Variants in GTF2B observed in about 807,000 individuals in gnomAD.
GTF2B encodes transcription initiation factor IIB.
In GTF2B, 20 loss-of-function variants were observed where a neutral mutation model predicts 34.6. That is an observed-to-expected ratio of 0.58 (90% CI 0.41 to 0.84). GTF2B has a LOEUF of 0.84. GTF2B is among the 40% of genes least tolerant of loss of function. The pLI is 0.00. For synonymous variants in GTF2B, 142 were observed against 132.4 expected (o/e 1.07, Z -0.50); for missense variants, 237 against 393.3 (o/e 0.60, Z 3.36).
At chr1:88,888,487 A>G (rs1247254624) in intron 1 of GTF2B, among the ~76,000 whole-genome samples, 2 of 152,328 alleles carry the variant, frequency 1.3e-5, no homozygotes, top group Admixed American at 1.3e-4. Context: ...ATTTTAATAA[A>G]TTATGACAAA....
chr1:88,887,223 G>A, intron 2 of GTF2B, 38 bp downstream of exon 2: 1 of 1,344,876 alleles, frequency 7.4e-7, no homozygotes, highest in Non-Finnish European at 1.1e-6. Flanking sequence ...TTGGCCTCCT[G>A]AACAGTAATT....
At chr1:88,865,442 C>T (rs1673527016) in intron 2 of GTF2B, among the ~76,000 whole-genome samples, 1 of 152,170 alleles carries the variant, frequency 6.6e-6, no homozygotes. Context: ...TAATCTCCAG[C>T]CGGGTGTGGT....
rs377030804 is a variant in GTF2B at position 88,856,272 on chromosome 1, C to CAAAAAAAAAAAAA, written c.817+921_817+933dup. On this transcript the variant is annotated intron_variant, in intron 6 of 6. Coordinates refer to ENST00000370500, the MANE Select transcript of GTF2B (RefSeq NM_001514.6). Reference sequence around the variant, plus strand: ...CAACAGAGGGAGACTGTTTCAAAAACAAAAAAAAAAAAAAAAAACAAAAAA... The same window carrying CAAAAAAAAAAAAA: ...CAACAGAGGGAGACTGTTTCAAAAACAAAAAAAAAAAAAAAAAAAAAAAAAAAAAAACAAAAAA... Among the ~76,000 whole-genome samples, 15 of 50,022 alleles carry CAAAAAAAAAAAAA rather than the reference C, an allele frequency of 3.0e-4. 1 individual carries two copies. The highest frequency in any genetic ancestry group is 3.7e-4 in the Non-Finnish European group (11 of 29,816). The allele number at this position is 50,022 out of a possible 152,430, so 32.8% of individuals were successfully genotyped here.
intron 2 of GTF2B, among the ~76,000 whole-genome samples, chr1:88,869,257 A>C (rs1673632649): frequency 6.6e-6 from 1 of 152,212 alleles, no homozygotes; most frequent in Non-Finnish European, 1.5e-5. Context: ...ATACTACGTC[A>C]TATTGTATCA....
At chr1:88,858,818 G>A (rs573853976) in intron 5 of GTF2B, 1 of 151,498 alleles carries the variant, frequency 6.6e-6, no homozygotes, top group South Asian at 2.1e-4. Context: ...CTTAACTGAA[G>A]TGTAAAAGTG....
chr1:88,855,946 TAGAA>T (rs1257853093), intron 6 of GTF2B, among the ~76,000 whole-genome samples: 1 of 152,194 alleles, frequency 6.6e-6, no homozygotes, highest in African/African-American at 2.4e-5. Context: ...CTCAAAGACT[TAGAA>T]AGGAGTAGTC....
intron 2 of GTF2B, among the ~76,000 whole-genome samples, chr1:88,868,266 T>C (rs1473393725): frequency 1.3e-5 from 2 of 152,238 alleles, no homozygotes; most frequent in Non-Finnish European, 2.9e-5. Flanking sequence ...AATTAGCAAA[T>C]ACACAAAACT....
At chr1:88,861,619 G>T (rs1000348205) in intron 3 of GTF2B, among the ~76,000 whole-genome samples, 3 of 152,142 alleles carry the variant, frequency 2.0e-5, no homozygotes, top group Non-Finnish European at 4.4e-5. Context: ...AGCAGAGATC[G>T]TGCCATTGCA....
chr1:88,865,145 A>G (rs1057085910), intron 2 of GTF2B, among the ~76,000 whole-genome samples: 1 of 152,224 alleles, frequency 6.6e-6, no homozygotes, highest in Non-Finnish European at 1.5e-5. Flanking sequence ...AATTAATATA[A>G]TAGTCAGGGG....
chr1:88,854,895 C>A (rs1673268827), intron 6 of GTF2B, among the ~76,000 whole-genome samples: 1 of 152,210 alleles, frequency 6.6e-6, no homozygotes, highest in Non-Finnish European at 1.5e-5. Context: ...CATCATTGTA[C>A]AATTAGCTAA....
At chr1:88,881,139 G>A in intron 2 of GTF2B, among the ~76,000 whole-genome samples, 1 of 136,102 alleles carries the variant, frequency 7.3e-6, no homozygotes, top group African/African-American at 2.8e-5. Context: ...AGCTCCAAAA[G>A]CCAGAATAAA....
chr1:88,858,620 G>C (rs1287378591), intron 5 of GTF2B: 1 of 152,072 alleles, frequency 6.6e-6, no homozygotes, highest in Non-Finnish European at 1.5e-5. Context: ...CAAAAAAGAT[G>C]ATGATAAAGG....
intron 2 of GTF2B, among the ~76,000 whole-genome samples, chr1:88,881,109 A>G (rs116187511): frequency 0.011 from 1,592 of 151,334 alleles, 25 homozygotes; most frequent in African/African-American, 0.037. Context: ...ACCACATACT[A>G]GAATATGAGT....
intron 1 of GTF2B, among the ~76,000 whole-genome samples, chr1:88,890,630 A>G (rs995506648): frequency 3.3e-5 from 5 of 152,228 alleles, no homozygotes; most frequent in Non-Finnish European, 4.4e-5. Context: ...TGGAAAAGTC[A>G]ACATTGGCAT....
chr1:88,885,882 T>C (rs949027634), intron 2 of GTF2B, among the ~76,000 whole-genome samples: 5 of 152,166 alleles, frequency 3.3e-5, no homozygotes, highest in Admixed American at 2.0e-4. Context: ...CATATATAGG[T>C]TGTACTTTGA....
chr1:88,870,883 T>C (rs1037097871), intron 2 of GTF2B, among the ~76,000 whole-genome samples: 1 of 151,622 alleles, frequency 6.6e-6, no homozygotes, highest in Non-Finnish European at 1.5e-5. Flanking sequence ...GACCACTGTG[T>C]TTCTTACACA....
intron 2 of GTF2B, among the ~76,000 whole-genome samples, chr1:88,882,676 ATGTTG>A (rs1673977160): frequency 6.6e-6 from 1 of 152,238 alleles, no homozygotes; most frequent in East Asian, 1.9e-4. Flanking sequence ...TGTGTCAATG[ATGTTG>A]TGTTAACAAG....
intron 2 of GTF2B, among the ~76,000 whole-genome samples, chr1:88,874,633 G>A (rs112135508): frequency 0.019 from 2,827 of 150,486 alleles, 82 homozygotes; most frequent in African/African-American, 0.065. Flanking sequence ...CAAGCCCCTG[G>A]CTCCTCAGAA....
At position 88,891,538 on chromosome 1, in the gene GTF2B, G is replaced by A. The variant is rs377183422; in HGVS notation, c.-39C>T. On this transcript the variant is annotated 5_prime_UTR_variant, in exon 1 of 7. Transcript: ENST00000370500. ...GCGGTGCCCGCAACAAGACACAACA[G>A]ACACACCGAAAGCAGGAAGCGAATG... 16 of 1,586,738 alleles carry A rather than the reference G, an allele frequency of 1.0e-5. No individual in the cohort carries two copies. The highest frequency in any genetic ancestry group is 1.3e-5 in the Non-Finnish European group (15 of 1,162,192).
Sources: gnomAD v4.1 joint callset for allele counts (sites outside exome capture counted in the v4.1 genomes callset) on GRCh38, gnomAD v4.1.1 for gene constraint, MANE v1.5 for transcripts, NCBI Gene and HGNC (gene_info 2026-07-23, HGNC 2026-07-21) for gene names.